Variants in SOCS4 observed in about 807,000 individuals in gnomAD.
SOCS4 encodes SH2 domain containing SOCS box protein.
SOCS4 carries 20 observed loss-of-function variants against 34.1 expected under a neutral mutation model. That is an observed-to-expected ratio of 0.59 (90% confidence interval 0.41 to 0.85). The LOEUF is 0.85. Among genes scored for constraint, SOCS4 ranks in the 40% least tolerant of loss-of-function variants. The pLI, the probability that SOCS4 is intolerant of heterozygous loss-of-function variation, is 0.00. For synonymous variants in SOCS4, 180 were observed against 186.4 expected (o/e 0.97, Z 0.28); for missense variants, 479 against 532.4 (o/e 0.90, Z 0.99).
chr14:55,029,631 A>C (rs535781105), intron 1 of SOCS4, among the ~76,000 whole-genome samples: 1 of 152,188 alleles, frequency 6.6e-6, no homozygotes, highest in Non-Finnish European at 1.5e-5. Flanking sequence ...TTAAAAAATT[A>C]TTTTCTAGTA....
intron 2 of SOCS4, among the ~76,000 whole-genome samples, chr14:55,032,230 A>G (rs1423060466): frequency 6.6e-6 from 1 of 152,206 alleles, no homozygotes; most frequent in Non-Finnish European, 1.5e-5. Flanking sequence ...ATCATAGAGG[A>G]TACTAATTAA....
chr14:55,040,818 A>T (rs1389525620), intron 2 of SOCS4, among the ~76,000 whole-genome samples: 1 of 151,908 alleles, frequency 6.6e-6, no homozygotes, highest in Non-Finnish European at 1.5e-5. Flanking sequence ...TTTTCAATCT[A>T]CAATTGGTTG....
Position 55,044,208 on chromosome 14 carries a change from G to A in SOCS4, c.1167G>A (p.Leu389=). Reference sequence around the variant, plus strand: ...TAATTCGGACTTTCCCTTTTTCCCTGCAGCATATATGCAGAACAGTTATTT... The same window carrying A: ...TAATTCGGACTTTCCCTTTTTCCCTACAGCATATATGCAGAACAGTTATTT... The part of the protein sequence containing the change: ...TPLIRTFPFS[L]QHICRTVICN... The change falls in exon 3 of 3, where the codon CTG becomes CTA. Residue 389 remains leucine, a synonymous_variant. Coordinates refer to ENST00000555846, the MANE Select transcript of SOCS4 (RefSeq NM_199421.2). 1 of 1,613,856 alleles carries A rather than the reference G, an allele frequency of 6.2e-7. No homozygotes were observed. Among genetic ancestry groups the A allele is most frequent in the Non-Finnish European group, 8.5e-7 (1 of 1,179,922 alleles).
chr14:55,029,327 T>G (rs1029729053), intron 1 of SOCS4, among the ~76,000 whole-genome samples: 4 of 152,198 alleles, frequency 2.6e-5, no homozygotes, highest in African/African-American at 9.6e-5. Flanking sequence ...ATTTTCCAAA[T>G]GTAGTTATTT....
chr14:55,046,662 C>T lies in SOCS4; in HGVS notation c.*2298C>T, dbSNP rs994767940. On this transcript the variant is annotated 3_prime_UTR_variant, in exon 3 of 3. Coordinates refer to ENST00000555846, the MANE Select transcript of SOCS4 (RefSeq NM_199421.2). ...TGTTAACACTTAAAAAGTACTGCCACATATGTAGCCTTGAAGTAGTTGATC... is the reference window on the plus strand; with the variant it reads ...TGTTAACACTTAAAAAGTACTGCCATATATGTAGCCTTGAAGTAGTTGATC... 5 of 166,930 alleles carry T rather than the reference C, an allele frequency of 3.0e-5. No individual in the cohort carries two copies. Among genetic ancestry groups the T allele is most frequent in the Admixed American group, 1.3e-4 (2 of 15,278 alleles). The allele number at this position is 166,930 out of a possible 1,614,324, so 10.3% of individuals were successfully genotyped here. A position where few individuals can be genotyped will look rare whatever the true frequency, so the allele number is the denominator to read the frequency against.
intron 2 of SOCS4, among the ~76,000 whole-genome samples, chr14:55,039,500 T>C (rs2042599274): frequency 6.6e-6 from 1 of 152,284 alleles, no homozygotes; most frequent in East Asian, 1.9e-4. Flanking sequence ...TAATAATCAC[T>C]GAAACATTTT....
chr14:55,037,717 C>A (rs1330879150), intron 2 of SOCS4, among the ~76,000 whole-genome samples: 2 of 152,016 alleles, frequency 1.3e-5, no homozygotes, highest in African/African-American at 2.4e-5. Flanking sequence ...TGGTCTTGAA[C>A]TCCTGATCTC....
chr14:55,030,464 G>A (rs1183704003), intron 1 of SOCS4, among the ~76,000 whole-genome samples: 2 of 152,066 alleles, frequency 1.3e-5, no homozygotes, highest in African/African-American at 2.4e-5. Flanking sequence ...TCTGAGGCAC[G>A]TTTTTGTGCA....
chr14:55,043,394 C>T lies in SOCS4; in HGVS notation c.353C>T (p.Ser118Phe). 1.2e-6 allele frequency: 2 copies of T among 1,614,180 alleles called. No individual in the cohort carries two copies. Among genetic ancestry groups the T allele is most frequent in the Non-Finnish European group, 1.7e-6 (2 of 1,180,040 alleles). ...CSSRHSSGLP[S>F]KRKIHISELM... Reference sequence around the variant, plus strand: ...AGTCGGCACTCTTCAGGGCTTCCGTCTAAAAGGAAAATTCATATCAGTGAA... The same window carrying T: ...AGTCGGCACTCTTCAGGGCTTCCGTTTAAAAGGAAAATTCATATCAGTGAA... The change falls in exon 3 of 3, where the codon TCT (serine) becomes TTT (phenylalanine). Residue 118 changes from serine (S) to phenylalanine (F), a missense_variant. Physicochemically the swap from Ser to Phe is radical, Grantham distance 155. Coordinates refer to ENST00000555846, the MANE Select transcript of SOCS4 (RefSeq NM_199421.2).
chr14:55,043,307 G>A lies in SOCS4; in HGVS notation c.266G>A (p.Arg89Gln), dbSNP rs773099802. The A allele has an allele frequency of 8.7e-6, 14 of 1,614,074 alleles. No individual in the cohort carries two copies. Among genetic ancestry groups the A allele is most frequent in the East Asian group, 4.5e-5 (2 of 44,896 alleles). ...TCCTGTGGGCATCGATTTTTAGGCC[G>A]ATCTCTTAAACAGAAACTGCAAGAT... ...DHSCGHRFLGRSLKQKLQDAV... is the reference protein window; with the variant it reads ...DHSCGHRFLGQSLKQKLQDAV... Residue 89 changes from arginine to glutamine, a missense_variant, in exon 3 of 3, where the codon CGA becomes CAA. Coordinates refer to ENST00000555846, the MANE Select transcript of SOCS4 (RefSeq NM_199421.2).
chr14:55,042,901 C>A (rs904180879), intron 2 of SOCS4, 51 bp from the exon 3 acceptor site: 1 of 710,624 alleles, frequency 1.4e-6, no homozygotes, highest in Non-Finnish European at 2.3e-6. Flanking sequence ...AATATGTAAA[C>A]TAGACAAGGT....
At chr14:55,041,677 G>C (rs893152859) in intron 2 of SOCS4, among the ~76,000 whole-genome samples, 1 of 149,760 alleles carries the variant, frequency 6.7e-6, no homozygotes, top group African/African-American at 2.5e-5. Flanking sequence ...GTGTCACCAT[G>C]TTGGCCAGGC....
chr14:55,034,600 G>A lies in SOCS4; in HGVS notation c.-91+2609G>A, dbSNP rs28680782. ...TGTAATCTTAGCACTTTGGGAGGCCGAGGCAGGTGGATCACGAGGTCAGGA... is the reference window on the plus strand; with the variant it reads ...TGTAATCTTAGCACTTTGGGAGGCCAAGGCAGGTGGATCACGAGGTCAGGA... On this transcript the variant is annotated intron_variant, in intron 2 of 2. Coordinates refer to ENST00000555846, the MANE Select transcript of SOCS4 (RefSeq NM_199421.2). Among the ~76,000 whole-genome samples the A allele has an allele frequency of 9.7e-3, 1,483 of 152,112 alleles. 24 individuals carry two copies. The highest frequency in any genetic ancestry group is 0.034 in the African/African-American group (1,420 of 41,516).
rs746569434 is a variant in SOCS4 at position 55,044,907 on chromosome 14, AACTT to A, written c.*547_*550del. The A allele has an allele frequency of 1.2e-5, 2 of 167,024 alleles. No homozygotes were observed. The highest frequency in any genetic ancestry group is 2.9e-5 in the Non-Finnish European group (2 of 68,106). 10.3% of individuals were successfully genotyped at this position (167,024 alleles called of 1,614,324 possible). On this transcript the variant is annotated 3_prime_UTR_variant, in exon 3 of 3. Transcript: ENST00000555846. ...TCATACTAATGTTATTGACTTTTGT[AACTT>A]ACTAATAGGGATGTTAAAAGTAACA...
At chr14:55,030,556 A>G (rs938582063) in intron 1 of SOCS4, among the ~76,000 whole-genome samples, 2 of 151,960 alleles carry the variant, frequency 1.3e-5, no homozygotes, top group Non-Finnish European at 2.9e-5. Context: ...AAGTGTTCCC[A>G]CCTCTCATTT....
chr14:55,034,111 T>C (rs2140243662), intron 2 of SOCS4, among the ~76,000 whole-genome samples: 1 of 152,252 alleles, frequency 6.6e-6, no homozygotes, highest in Middle Eastern at 3.4e-3. Context: ...CCACCCTGGG[T>C]GACAGTGAGA....
intron 1 of SOCS4, among the ~76,000 whole-genome samples, chr14:55,027,970 T>G (rs1047041388): frequency 3.3e-5 from 5 of 152,230 alleles, no homozygotes; most frequent in African/African-American, 1.2e-4. Flanking sequence ...AAGTTTAAGT[T>G]TATGCTTTTC....
chr14:55,043,175 G>A lies in SOCS4; in HGVS notation c.134G>A (p.Ser45Asn). The A allele has an allele frequency of 6.2e-7, 1 of 1,614,234 alleles. No individual in the cohort carries two copies. The highest frequency in any genetic ancestry group is 1.3e-5 in the African/African-American group (1 of 75,072). ...TTATCTTGGTCAAAAAAGAGTGAGA[G>A]TTATTCAGATGCTGAGACAGTGAAT... is the stretch of plus-strand genomic sequence containing the variant. The part of the protein sequence containing the change: ...KKLSWSKKSE[S>N]YSDAETVNGI... The change falls in exon 3 of 3, where the codon AGT (serine) becomes AAT (asparagine). Residue 45 changes from serine (S) to asparagine (N), a missense_variant. Ser to Asn is a conservative substitution (Grantham distance 46). Transcript: ENST00000555846.
intron 2 of SOCS4, among the ~76,000 whole-genome samples, chr14:55,038,174 A>G (rs1160513926): frequency 6.6e-6 from 1 of 152,232 alleles, no homozygotes; most frequent in African/African-American, 2.4e-5. Context: ...CAAGAGACTT[A>G]TTACCATGAG....
Sources: gnomAD v4.1 joint callset for allele counts (sites outside exome capture counted in the v4.1 genomes callset) on GRCh38, gnomAD v4.1.1 for gene constraint, MANE v1.5 for transcripts, NCBI Gene and HGNC (gene_info 2026-07-23, HGNC 2026-07-21) for gene names.